Variants in ATXN3 observed in about 807,000 individuals in gnomAD.
ATXN3 encodes the protein ataxin 3, also known as ataxin-3.
Under a neutral mutation model 58.2 loss-of-function variants are expected in ATXN3, and 28 were observed. That is an observed-to-expected ratio of 0.48 (90% CI 0.36 to 0.66). The LOEUF is 0.66. Among genes scored for constraint, ATXN3 ranks in the 30% least tolerant of loss-of-function variants. The pLI, the probability that ATXN3 is intolerant of heterozygous loss-of-function variation, is 0.00. For synonymous variants in ATXN3, 113 were observed against 138.5 expected, an observed-to-expected ratio of 0.82 and a Z score of 1.29; for missense variants, 321 against 422.1, an observed-to-expected ratio of 0.76 and a Z score of 2.10.
At chr14:92,106,391 C>G (rs2068406248) in intron 1 of ATXN3, 138 bp downstream of exon 1, 11 of 1,093,144 alleles carry the variant, frequency 1.0e-5, no homozygotes, top group Non-Finnish European at 1.2e-5. Flanking sequence ...AGGCGGGAGG[C>G]TGCGGCGTCG....
chr14:92,051,643 T>C (rs1469580660), upstream of ATXN3, among the ~76,000 whole-genome samples: 1 of 150,812 alleles, frequency 6.6e-6, no homozygotes, highest in Non-Finnish European at 1.5e-5. Flanking sequence ...TTTTAATTTT[T>C]TTTTTTTTTT....
chr14:92,070,527 C>G (rs868230985), intron 10 of ATXN3, among the ~76,000 whole-genome samples: 1 of 151,982 alleles, frequency 6.6e-6, no homozygotes, highest in African/African-American at 2.4e-5. Context: ...TGCAGTGAGC[C>G]GAGATCGCGA....
chr14:92,071,010 C>CCGCTGCTGCTGCTGCTGCTG lies in ATXN3; in HGVS notation c.915_916insCAGCAGCAGCAGCAGCAGCG (p.Gly306GlnfsTer32), dbSNP rs2059342844. On this transcript the variant is annotated frameshift_variant, in exon 10 of 11. Coordinates refer to ENST00000644486, the MANE Select transcript of ATXN3 (RefSeq NM_004993.6). LOFTEE classifies it high-confidence loss of function. ...TGTGAACTCTGTCCTGATAGGTCCC[C>CCGCTGCTGCTGCTGCTGCTG]CTGCTGCTGCTGCTGCTGCTGCTGT... 2 of 1,291,746 alleles carry CCGCTGCTGCTGCTGCTGCTG rather than the reference C, an allele frequency of 1.5e-6. No homozygotes were observed. The highest frequency in any genetic ancestry group is 3.3e-5 in the African/African-American group (2 of 59,838). The allele number at this position is 1,291,746 out of a possible 1,614,324, so 80.0% of individuals were successfully genotyped here.
intron 1 of ATXN3, among the ~76,000 whole-genome samples, chr14:92,048,294 A>T (rs940358185): frequency 2.0e-5 from 3 of 152,192 alleles, no homozygotes; most frequent in African/African-American, 7.2e-5. Context: ...AGGAATTGCA[A>T]CTCAGAAATA....
chr14:92,051,108 GTATTTCCCTT>G (rs2140163181), upstream of ATXN3, among the ~76,000 whole-genome samples: 1 of 152,236 alleles, frequency 6.6e-6, no homozygotes, highest in South Asian at 2.1e-4. Flanking sequence ...TAGCACTCTT[GTATTTCCCTT>G]TATTTCCCTT....
In ATXN3 at chr14:92,064,231, CTT is replaced by C; in HGVS notation, c.*87_*88del. The C allele has an allele frequency of 1.1e-6, 1 of 915,936 alleles. No homozygotes were observed. Among genetic ancestry groups the C allele is most frequent in the South Asian group, 1.7e-5 (1 of 59,542 alleles). 56.7% of individuals were successfully genotyped at this position (915,936 alleles called of 1,614,324 possible). On this transcript the variant is annotated 3_prime_UTR_variant, in exon 11 of 11. Coordinates refer to ENST00000644486, the MANE Select transcript of ATXN3 (RefSeq NM_004993.6). ...CGCTAAAAGTCTTATTTCCTCATCT[CTT>C]TGACACATTACCAAAGTGGACCCTA...
intron 2 of ATXN3, among the ~76,000 whole-genome samples, chr14:92,045,335 C>T (rs759439326): frequency 1.3e-5 from 2 of 152,050 alleles, no homozygotes; most frequent in African/African-American, 4.8e-5. Flanking sequence ...AAGGCCAGTC[C>T]GTTATCGGAC....
chr14:92,104,369 T>G (rs993580162), intron 1 of ATXN3, among the ~76,000 whole-genome samples: 3 of 152,092 alleles, frequency 2.0e-5, no homozygotes, highest in African/African-American at 7.2e-5. Context: ...CTCAAACTAC[T>G]GACCTCATGA....
chr14:92,073,752 T>G (rs533204251), intron 9 of ATXN3, among the ~76,000 whole-genome samples: 14 of 151,848 alleles, frequency 9.2e-5, no homozygotes, highest in Non-Finnish European at 2.1e-4. Flanking sequence ...GGCAGGAGAA[T>G]TGCTTGAACC....
downstream of ATXN3, chr14:92,058,436 A>G (rs2057516473): frequency 6.6e-6 from 1 of 152,372 alleles, no homozygotes; most frequent in African/African-American, 2.4e-5. Context: ...GGCTCAAGCA[A>G]TCCTCCTGCT....
chr14:92,046,524 C>A (rs2057428701), intron 2 of ATXN3, among the ~76,000 whole-genome samples: 1 of 152,172 alleles, frequency 6.6e-6, no homozygotes, highest in African/African-American at 2.4e-5. Flanking sequence ...AGAATTCCAA[C>A]TGCACAGCCC....
chr14:92,066,496 C>A (rs1236003973), intron 10 of ATXN3, among the ~76,000 whole-genome samples: 1 of 151,784 alleles, frequency 6.6e-6, no homozygotes, highest in Non-Finnish European at 1.5e-5. Context: ...ATTCCTTTAG[C>A]CATTCTTTTA....
rs913365743 is a variant in ATXN3 at position 92,061,145 on chromosome 14, T to A, written c.*3175A>T. 35 of 152,158 alleles carry A rather than the reference T, an allele frequency of 2.3e-4. No individual in the cohort carries two copies. The highest frequency in any genetic ancestry group is 8.0e-4 in the African/African-American group (33 of 41,438). The allele number at this position is 152,158 out of a possible 1,614,324, so 9.4% of individuals were successfully genotyped here. On this transcript the variant is annotated 3_prime_UTR_variant, in exon 11 of 11. Coordinates refer to ENST00000644486, the MANE Select transcript of ATXN3 (RefSeq NM_004993.6). ...CAACTTAATATTAAACAATATGGACTACTGGTAGTTTTGTCTGCAATGATA... is the reference window on the plus strand; with the variant it reads ...CAACTTAATATTAAACAATATGGACAACTGGTAGTTTTGTCTGCAATGATA...
upstream of ATXN3, among the ~76,000 whole-genome samples, chr14:92,051,664 A>T (rs1595426006): frequency 9.8e-6 from 1 of 102,096 alleles, no homozygotes; most frequent in Admixed American, 9.4e-5. Flanking sequence ...TTAGTGATGA[A>T]TGTCTCCTCT....
intron 9 of ATXN3, 123 bp downstream of exon 9, chr14:92,080,842 C>T: frequency 1.1e-6 from 1 of 873,146 alleles, no homozygotes; most frequent in East Asian, 2.8e-5. Context: ...GTCCTATTTG[C>T]TGTAAATTTT....
At chr14:92,089,439 T>G (rs1345971437) in intron 5 of ATXN3, among the ~76,000 whole-genome samples, 2 of 145,506 alleles carry the variant, frequency 1.4e-5, no homozygotes, top group African/African-American at 2.6e-5. Context: ...CCCGGGTTCA[T>G]GCCATCCTCC....
chr14:92,092,874 A>C (rs941443906), intron 5 of ATXN3, among the ~76,000 whole-genome samples: 2 of 134,608 alleles, frequency 1.5e-5, no homozygotes, highest in East Asian at 4.2e-4. Flanking sequence ...TTTTATTTTT[A>C]TGTTTTATAG....
chr14:92,063,287 C>T lies in ATXN3; in HGVS notation c.*1033G>A, dbSNP rs1186404372. The stretch of plus-strand genomic sequence containing the variant: ...AAGATGTGAAGCAGACACCTACATT[C>T]CATGACTCAACTGTAAAGAGAACAC... On this transcript the variant is annotated 3_prime_UTR_variant, in exon 11 of 11. Transcript: ENST00000644486. 6.6e-6 allele frequency: 1 copy of T among 152,360 alleles called. No homozygotes were observed. Among genetic ancestry groups the T allele is most frequent in the Non-Finnish European group, 1.5e-5 (1 of 68,026 alleles). The allele number at this position is 152,360 out of a possible 1,614,324, so 9.4% of individuals were successfully genotyped here.
chr14:92,073,758 G>C (rs28671628), intron 9 of ATXN3, among the ~76,000 whole-genome samples: 43,692 of 151,704 alleles, frequency 0.29, 6,693 homozygotes, highest in East Asian at 0.44. Flanking sequence ...AGAATTGCTT[G>C]AACCCGGGAG....
Sources: allele counts gnomAD v4.1 joint callset (sites outside exome capture counted in the v4.1 genomes callset), GRCh38; gene constraint gnomAD v4.1.1; transcripts MANE v1.5; gene names NCBI Gene and HGNC (gene_info 2026-07-23, HGNC 2026-07-21).